The following KCNQ5 variants were observed in gnomAD, a reference collection of about 807,000 sequenced individuals.
KCNQ5 encodes potassium voltage-gated channel subfamily Q member 5.
A neutral mutation model predicts 98.2 loss-of-function variants in KCNQ5; 30 were observed. The ratio of observed to expected loss-of-function variants is 0.31; its 90% confidence interval spans 0.23 to 0.41. The LOEUF is 0.41. Ranked by LOEUF, KCNQ5 falls within the 10% of genes least tolerant of loss-of-function variation. The pLI, the probability that KCNQ5 is intolerant of heterozygous loss-of-function variation, is 1.00. For missense variants in KCNQ5, 835 were observed against 1,182.5 expected (o/e 0.71, Z 4.31); for synonymous variants, 458 against 449.4 (o/e 1.02, Z -0.24).
intron 1 of KCNQ5, among the ~76,000 whole-genome samples, chr6:72,883,214 G>A (rs925396228): frequency 2.0e-5 from 3 of 152,172 alleles, no homozygotes; most frequent in Non-Finnish European, 4.4e-5. Flanking sequence ...TTAACAACGT[G>A]ATTTTCCCTC....
chr6:72,728,199 C>G (rs1770384334), intron 1 of KCNQ5, among the ~76,000 whole-genome samples: 1 of 152,072 alleles, frequency 6.6e-6, no homozygotes, highest in Non-Finnish European at 1.5e-5. Context: ...TACCATGTTC[C>G]ACCTTCTAGA....
chr6:72,934,779 A>G (rs1765831356), intron 1 of KCNQ5, among the ~76,000 whole-genome samples: 1 of 152,074 alleles, frequency 6.6e-6, no homozygotes, highest in South Asian at 2.1e-4. Context: ...TTTTCACTCC[A>G]CTGATCAACA....
intron 11 of KCNQ5, among the ~76,000 whole-genome samples, chr6:73,174,804 A>G (rs1778152886): frequency 6.6e-6 from 1 of 152,196 alleles, no homozygotes; most frequent in Admixed American, 6.5e-5. Flanking sequence ...GAATGAATAA[A>G]TGAATAAACA....
At chr6:72,809,506 C>A (rs1021522543) in intron 1 of KCNQ5, among the ~76,000 whole-genome samples, 2 of 151,550 alleles carry the variant, frequency 1.3e-5, no homozygotes, top group African/African-American at 2.4e-5. Flanking sequence ...GAGCTGAGAT[C>A]GTGCCACTGC....
intron 1 of KCNQ5, among the ~76,000 whole-genome samples, chr6:72,994,681 T>A (rs925940389): frequency 6.6e-6 from 1 of 152,082 alleles, no homozygotes; most frequent in Non-Finnish European, 1.5e-5. Flanking sequence ...TCTTGGCTCC[T>A]CCTCCCATGA....
At chr6:73,088,741 C>T (rs1774100684) in intron 5 of KCNQ5, among the ~76,000 whole-genome samples, 1 of 152,204 alleles carries the variant, frequency 6.6e-6, no homozygotes, top group South Asian at 2.1e-4. Flanking sequence ...TTCACCTTTA[C>T]TCCAAAACCT....
intron 3 of KCNQ5, among the ~76,000 whole-genome samples, chr6:73,054,306 A>T (rs929513758): frequency 6.6e-6 from 1 of 152,176 alleles, no homozygotes; most frequent in East Asian, 1.9e-4. Flanking sequence ...AACTATTCCA[A>T]AAAACAGAGG....
chr6:72,893,433 A>T (rs1779133474), intron 1 of KCNQ5, among the ~76,000 whole-genome samples: 1 of 152,208 alleles, frequency 6.6e-6, no homozygotes, highest in Non-Finnish European at 1.5e-5. Context: ...AGTAGGAACC[A>T]CCAGGAGAAT....
At chr6:73,155,262 G>A (rs928379975) in intron 10 of KCNQ5, among the ~76,000 whole-genome samples, 1 of 152,210 alleles carries the variant, frequency 6.6e-6, no homozygotes, top group Non-Finnish European at 1.5e-5. Context: ...AAAGTTACAT[G>A]TAGGCTGAAA....
intron 1 of KCNQ5, among the ~76,000 whole-genome samples, chr6:72,984,572 T>TA (rs1328423953): frequency 2.6e-5 from 4 of 152,184 alleles, no homozygotes; most frequent in Non-Finnish European, 5.9e-5. Flanking sequence ...TGGAAAAGCC[T>TA]AGTATTGGGG....
intron 1 of KCNQ5, among the ~76,000 whole-genome samples, chr6:72,941,780 C>A (rs1407486688): frequency 7.0e-6 from 1 of 142,612 alleles, no homozygotes; most frequent in Non-Finnish European, 1.6e-5. Flanking sequence ...TGCTGGTTTC[C>A]TTCTCCATGC....
intron 1 of KCNQ5, among the ~76,000 whole-genome samples, chr6:72,995,235 G>C (rs1446443135): frequency 6.6e-6 from 1 of 152,060 alleles, no homozygotes; most frequent in Non-Finnish European, 1.5e-5. Flanking sequence ...AGGCATGGTG[G>C]TGCACGCCTG....
intron 1 of KCNQ5, among the ~76,000 whole-genome samples, chr6:72,736,790 C>T (rs139277677): frequency 0.045 from 6,821 of 151,724 alleles, 165 homozygotes; most frequent in Middle Eastern, 0.092. Context: ...TGAGCCACCG[C>T]GCCCGGCCGT....
intron 1 of KCNQ5, among the ~76,000 whole-genome samples, chr6:72,840,405 G>A (rs1205930376): frequency 1.3e-5 from 2 of 152,098 alleles, no homozygotes; most frequent in African/African-American, 2.4e-5. Flanking sequence ...AGACTTGAGC[G>A]GAATTTATAC....
chr6:72,658,039 G>C (rs904593880), intron 1 of KCNQ5, among the ~76,000 whole-genome samples: 1 of 152,196 alleles, frequency 6.6e-6, no homozygotes, highest in Non-Finnish European at 1.5e-5. Context: ...CTGCAGGCCA[G>C]GAAGTATGAT....
At chr6:72,865,663 T>C (rs553948926) in intron 1 of KCNQ5, among the ~76,000 whole-genome samples, 23 of 152,116 alleles carry the variant, frequency 1.5e-4, no homozygotes, top group African/African-American at 5.5e-4. Context: ...AAGCCAACAG[T>C]GTGTTGAAAT....
At chr6:72,637,277 G>A (rs2098924746) in intron 1 of KCNQ5, among the ~76,000 whole-genome samples, 1 of 151,508 alleles carries the variant, frequency 6.6e-6, no homozygotes, top group Non-Finnish European at 1.5e-5. Context: ...AAAATGAAGT[G>A]TCTGTTTATT....
At position 73,043,350 on chromosome 6, in the gene KCNQ5, C is replaced by T. The variant is rs1771805689; in HGVS notation, c.616+1288C>T. ...ATCTTAAAATACCTTGTTTGGCCCTCACGAATGCAGTCTGTTTGTCTGTCT... is the reference window on the plus strand; with the variant it reads ...ATCTTAAAATACCTTGTTTGGCCCTTACGAATGCAGTCTGTTTGTCTGTCT... On this transcript the variant is annotated intron_variant, in intron 3 of 13. Transcript: ENST00000370398. The T allele has an allele frequency of 1.8e-5, 3 of 170,526 alleles. No individual in the cohort carries two copies. In the South Asian group the frequency reaches 4.3e-4, roughly 24 times the overall value. 10.6% of individuals were successfully genotyped at this position (170,526 alleles called of 1,614,324 possible).
At chr6:72,854,804 G>A (rs981794600) in intron 1 of KCNQ5, among the ~76,000 whole-genome samples, 16 of 148,180 alleles carry the variant, frequency 1.1e-4, no homozygotes, top group Non-Finnish European at 1.9e-4. Flanking sequence ...ATTAGAGCAA[G>A]CAGATTAACT....
Sources: allele counts gnomAD v4.1 joint callset (sites outside exome capture counted in the v4.1 genomes callset), GRCh38; gene constraint gnomAD v4.1.1; transcripts MANE v1.5; gene names NCBI Gene and HGNC (gene_info 2026-07-23, HGNC 2026-07-21).